The following PDGFRL variants were observed in gnomAD, a reference collection of about 807,000 sequenced individuals.
PDGFRL encodes platelet-derived growth factor receptor-like protein.
PDGFRL carries 46 observed loss-of-function variants against 37.2 expected under a neutral mutation model. The ratio of observed to expected loss-of-function variants is 1.24; its 90% CI spans 0.98 to 1.58. PDGFRL has a LOEUF of 1.58. PDGFRL is among the 40% of genes most tolerant of loss of function. The probability of loss-of-function intolerance (pLI) is 0.00; values close to 1 mark genes in which losing one functional copy is unlikely to be tolerated. For synonymous variants in PDGFRL, 251 were observed against 184.3 expected (o/e 1.36, Z -2.93); for missense variants, 692 against 467.6 (o/e 1.48, Z -4.43).
intron 2 of PDGFRL, among the ~76,000 whole-genome samples, chr8:17,612,312 T>C (rs1217668148): frequency 6.6e-6 from 1 of 152,208 alleles, no homozygotes; most frequent in Non-Finnish European, 1.5e-5. Flanking sequence ...GTTTTGCTTT[T>C]ATTATAGCTT....
chr8:17,615,600 G>A (rs983609111), intron 2 of PDGFRL, among the ~76,000 whole-genome samples: 4 of 152,118 alleles, frequency 2.6e-5, no homozygotes. Context: ...GAACCAGGGG[G>A]ACCATAATAA....
chr8:17,633,924 G>A, intron 4 of PDGFRL, 150 bp from the exon 5 acceptor site: 1 of 805,648 alleles, frequency 1.2e-6, no homozygotes, highest in East Asian at 2.4e-5. Context: ...GAAGCCCCAA[G>A]TTGTGGGCTC....
At chr8:17,605,800 AT>A (rs1183735918) in intron 2 of PDGFRL, among the ~76,000 whole-genome samples, 1 of 152,144 alleles carries the variant, frequency 6.6e-6, no homozygotes, top group South Asian at 2.1e-4. Flanking sequence ...GGATGTTAGC[AT>A]TTTTTCAGTC....
chr8:17,628,898 T>C, intron 4 of PDGFRL, 118 bp downstream of exon 4: 1 of 670,714 alleles, frequency 1.5e-6, no homozygotes, highest in South Asian at 1.9e-5. Flanking sequence ...GTTTCATTGT[T>C]GTTGGGTTGT....
intron 1 of PDGFRL, among the ~76,000 whole-genome samples, chr8:17,580,355 A>G (rs1421556936): frequency 1.3e-5 from 2 of 152,208 alleles, no homozygotes; most frequent in East Asian, 1.9e-4. Context: ...TAGTACAGAA[A>G]TATTTTAATG....
chr8:17,593,910 AG>A (rs1208606920), intron 2 of PDGFRL, among the ~76,000 whole-genome samples: 8 of 152,102 alleles, frequency 5.3e-5, no homozygotes, highest in African/African-American at 1.9e-4. Context: ...AGAAAAAAAA[AG>A]AAAAAATAAT....
chr8:17,595,717 G>T (rs2588143), intron 2 of PDGFRL, among the ~76,000 whole-genome samples: 65,882 of 152,066 alleles, frequency 0.43, 15,672 homozygotes, highest in Middle Eastern at 0.59. Flanking sequence ...CCTGTGGTGG[G>T]GCGGGGGTGC....
intron 2 of PDGFRL, among the ~76,000 whole-genome samples, chr8:17,601,516 C>T (rs116619059): frequency 8.6e-4 from 129 of 150,546 alleles, no homozygotes; most frequent in African/African-American, 2.6e-3. Flanking sequence ...AGGTTTGTTA[C>T]GTGGGTAAAT....
At chr8:17,577,040 G>A (rs1335156228), upstream of PDGFRL, 3 of 642,360 alleles carry the variant, frequency 4.7e-6, no homozygotes, top group South Asian at 4.3e-5. Context: ...TGCGCACCGC[G>A]GCTCCGCCAG....
chr8:17,628,479 C>CT lies in PDGFRL; in HGVS notation c.506-5dup, dbSNP rs1424739380. On this transcript the variant is annotated splice_polypyrimidine_tract_variant and splice_region_variant and intron_variant, in intron 3 of 5. Transcript: ENST00000251630. Reference sequence around the variant, plus strand: ...GTGAATAAGCCTGTGTCTTCCTTCCCTTTGCAGAGAAAGGAGAACTCTTTG... The same window carrying CT: ...GTGAATAAGCCTGTGTCTTCCTTCCCTTTTGCAGAGAAAGGAGAACTCTTTG... 1 of 1,610,920 alleles carries CT rather than the reference C, an allele frequency of 6.2e-7. No individual in the cohort carries two copies. Among genetic ancestry groups the CT allele is most frequent in the African/African-American group, 1.3e-5 (1 of 74,856 alleles).
At chr8:17,592,268 T>A (rs1338486787) in intron 2 of PDGFRL, among the ~76,000 whole-genome samples, 2 of 152,222 alleles carry the variant, frequency 1.3e-5, no homozygotes, top group African/African-American at 4.8e-5. Context: ...AGTTCCCTCT[T>A]CATAGCACTT....
In PDGFRL at chr8:17,634,095, C is replaced by A. The variant is rs532327949; in HGVS notation, c.821C>A (p.Thr274Lys). Residue 274 changes from threonine (T) to lysine (K), a missense_variant, in exon 5 of 6, where the codon ACA becomes AAA. Transcript: ENST00000251630. ...YVAVPSGPPS[T>K]TILASSNKVK... ...CCAGTTCCCAGTGGCCCTCCCTCAACAACCATCTTGGCTTCTTCAAACAAA... is the reference window on the plus strand; with the variant it reads ...CCAGTTCCCAGTGGCCCTCCCTCAAAAACCATCTTGGCTTCTTCAAACAAA... 5 of 1,614,068 alleles carry A rather than the reference C, an allele frequency of 3.1e-6. No homozygotes were observed. In the South Asian group the frequency reaches 4.4e-5, roughly 14 times the overall value.
chr8:17,618,893 G>C (rs944169472), intron 2 of PDGFRL, among the ~76,000 whole-genome samples: 3 of 132,554 alleles, frequency 2.3e-5, no homozygotes, highest in Admixed American at 1.6e-4. Context: ...AGGCAAAAGT[G>C]GGGAGATTCC....
upstream of PDGFRL, chr8:17,576,692 G>C: frequency 1.0e-6 from 1 of 985,266 alleles, no homozygotes; most frequent in Non-Finnish European, 1.2e-6. Flanking sequence ...CAGTTACAGG[G>C]CTGGGTGCGG....
chr8:17,580,906 T>C (rs866247704), intron 1 of PDGFRL, among the ~76,000 whole-genome samples: 2 of 152,070 alleles, frequency 1.3e-5, no homozygotes, highest in East Asian at 3.9e-4. Flanking sequence ...TCTGCCTCTG[T>C]TGCCATGTGA....
chr8:17,608,280 T>A (rs1296106573), intron 2 of PDGFRL, among the ~76,000 whole-genome samples: 1 of 152,138 alleles, frequency 6.6e-6, no homozygotes, highest in African/African-American at 2.4e-5. Context: ...CTCAGTTACA[T>A]TGGAGCAGAG....
At chr8:17,635,994 T>C (rs924462449) in intron 5 of PDGFRL, among the ~76,000 whole-genome samples, 4 of 152,234 alleles carry the variant, frequency 2.6e-5, no homozygotes, top group Admixed American at 2.0e-4. Flanking sequence ...TTTGTTTGAG[T>C]TCCTTGTAGA....
In PDGFRL at chr8:17,643,037, T is replaced by G. The variant is rs1805185020; in HGVS notation, c.*236T>G. The G allele has an allele frequency of 2.4e-6, 1 of 422,222 alleles. No individual in the cohort carries two copies. Among genetic ancestry groups the G allele is most frequent in the African/African-American group, 2.0e-5 (1 of 49,014 alleles). The allele number at this position is 422,222 out of a possible 1,614,324, so 26.2% of individuals were successfully genotyped here. A position where few individuals can be genotyped will look rare whatever the true frequency, so the allele number is the denominator to read the frequency against. On this transcript the variant is annotated 3_prime_UTR_variant, in exon 6 of 6. Transcript: ENST00000251630. ...TTTTGATTGCTTACCTACATACGTG[T>G]TCCTAGTTTTTATACATGTGTAAAC...
chr8:17,603,818 G>A (rs1804214737), intron 2 of PDGFRL, among the ~76,000 whole-genome samples: 1 of 152,132 alleles, frequency 6.6e-6, no homozygotes. Flanking sequence ...ACCGAAGTAT[G>A]CTGTCAAGGA....
Sources: allele counts gnomAD v4.1 joint callset (sites outside exome capture counted in the v4.1 genomes callset), GRCh38; gene constraint gnomAD v4.1.1; transcripts MANE v1.5; gene names NCBI Gene and HGNC (gene_info 2026-07-23, HGNC 2026-07-21).